THSD7B: variants seen among roughly 807,000 people sequenced by gnomAD.
THSD7B encodes the protein thrombospondin type-1 domain-containing protein 7B.
Under a neutral mutation model 213.6 loss-of-function variants are expected in THSD7B, and 138 were observed. That is an observed-to-expected ratio of 0.65 (90% CI 0.56 to 0.74). The LOEUF is 0.74. Among genes scored for constraint, THSD7B ranks in the 30% least tolerant of loss-of-function variants. The pLI, the probability that THSD7B is intolerant of heterozygous loss-of-function variation, is 0.00. For missense variants in THSD7B, 1,931 were observed against 1,991.5 expected, an observed-to-expected ratio of 0.97 and a Z score of 0.58; for synonymous variants, 742 against 687.0, an observed-to-expected ratio of 1.08 and a Z score of -1.25.
chr2:137,015,190 A>G (rs1686315651), intron 2 of THSD7B, among the ~76,000 whole-genome samples: 1 of 152,162 alleles, frequency 6.6e-6, no homozygotes, highest in Non-Finnish European at 1.5e-5. Flanking sequence ...CACAAATGCT[A>G]GTGCAAATAG....
intron 3 of THSD7B, among the ~76,000 whole-genome samples, chr2:137,073,461 C>T (rs62171240): frequency 0.087 from 13,279 of 152,078 alleles, 715 homozygotes; most frequent in East Asian, 0.17. Context: ...TCCATTGCAT[C>T]TATTTGATTC....
At chr2:136,905,199 G>A (rs960767307) in intron 2 of THSD7B, among the ~76,000 whole-genome samples, 5 of 152,114 alleles carry the variant, frequency 3.3e-5, no homozygotes, top group Admixed American at 1.3e-4. Context: ...ATTCTACTTC[G>A]TTTAGTAGTG....
At chr2:136,903,460 AT>A (rs538227195) in intron 2 of THSD7B, among the ~76,000 whole-genome samples, 19 of 150,818 alleles carry the variant, frequency 1.3e-4, no homozygotes, top group East Asian at 5.8e-4. Context: ...TGCTTTCAGA[AT>A]TTTTTTTTTA....
intron 19 of THSD7B, among the ~76,000 whole-genome samples, chr2:137,619,278 T>C (rs560011376): frequency 6.6e-6 from 1 of 152,338 alleles, no homozygotes; most frequent in South Asian, 2.1e-4. Context: ...TTTAACGAAC[T>C]TGCAGAATGA....
intron 12 of THSD7B, among the ~76,000 whole-genome samples, chr2:137,398,235 G>T (rs879596180): frequency 0.026 from 3,887 of 146,832 alleles, 14 homozygotes; most frequent in Non-Finnish European, 0.038. Context: ...AGGAGGAGAG[G>T]TGCTCTGCGT....
intron 12 of THSD7B, among the ~76,000 whole-genome samples, chr2:137,281,285 G>T (rs1413355744): frequency 6.6e-6 from 1 of 151,888 alleles, no homozygotes; most frequent in Non-Finnish European, 1.5e-5. Flanking sequence ...AAGTAAAGAT[G>T]TTTTTCTGGG....
chr2:136,788,362 T>C (rs893348809), intron 1 of THSD7B, among the ~76,000 whole-genome samples: 1 of 152,214 alleles, frequency 6.6e-6, no homozygotes, highest in African/African-American at 2.4e-5. Flanking sequence ...GAAAGTGTGC[T>C]GGGACTTTTA....
intron 17 of THSD7B, among the ~76,000 whole-genome samples, chr2:137,581,130 T>C (rs955323263): frequency 6.6e-6 from 1 of 152,220 alleles, no homozygotes; most frequent in Non-Finnish European, 1.5e-5. Flanking sequence ...AATGTATGTA[T>C]ATATACAATA....
chr2:136,902,566 A>G (rs1353428057), intron 2 of THSD7B, among the ~76,000 whole-genome samples: 4 of 152,140 alleles, frequency 2.6e-5, no homozygotes, highest in Non-Finnish European at 5.9e-5. Context: ...TTCTTCTTCC[A>G]CATGCGCCGA....
intron 7 of THSD7B, among the ~76,000 whole-genome samples, chr2:137,211,466 A>G (rs988808391): frequency 3.3e-5 from 5 of 151,228 alleles, no homozygotes; most frequent in Non-Finnish European, 7.4e-5. Flanking sequence ...AAACCATCAC[A>G]TTATTAGTGT....
At chr2:137,168,077 G>T (rs1336311226) in intron 6 of THSD7B, among the ~76,000 whole-genome samples, 1 of 152,160 alleles carries the variant, frequency 6.6e-6, no homozygotes, top group East Asian at 1.9e-4. Flanking sequence ...TTATAACATA[G>T]TTTTGAGGCT....
chr2:137,422,047 A>G lies in THSD7B; in HGVS notation c.2959+10175A>G, dbSNP rs572333792. On this transcript the variant is annotated intron_variant, in intron 14 of 27. Transcript: ENST00000409968. ...AGAGGGCAGTCATGTTTTTGAAACTAAACTCCTGAAAGAAGTGCAAGTGAA... is the reference window on the plus strand; with the variant it reads ...AGAGGGCAGTCATGTTTTTGAAACTGAACTCCTGAAAGAAGTGCAAGTGAA... Among the ~76,000 whole-genome samples, 126 of 152,292 alleles carry G rather than the reference A, an allele frequency of 8.3e-4. 1 individual carries two copies. Among genetic ancestry groups the G allele is most frequent in the South Asian group, 7.9e-3 (38 of 4,818 alleles).
intron 4 of THSD7B, among the ~76,000 whole-genome samples, chr2:137,110,659 A>G (rs1688332041): frequency 6.6e-6 from 1 of 152,212 alleles, no homozygotes; most frequent in South Asian, 2.1e-4. Context: ...TTTTTCAAAA[A>G]GTTATCTTTT....
chr2:136,970,788 CT>C (rs1217495020), intron 2 of THSD7B, among the ~76,000 whole-genome samples: 3 of 152,058 alleles, frequency 2.0e-5, no homozygotes, highest in South Asian at 2.1e-4. Flanking sequence ...ATTTTAAAAT[CT>C]TTCAAAAAGA....
chr2:137,426,529 G>A (rs571006210), intron 14 of THSD7B, among the ~76,000 whole-genome samples: 5 of 152,142 alleles, frequency 3.3e-5, no homozygotes, highest in South Asian at 2.1e-4. Context: ...TAAATGTTGC[G>A]CTAGTAATCT....
intron 21 of THSD7B, among the ~76,000 whole-genome samples, chr2:137,651,154 G>A (rs1297637060): frequency 6.6e-6 from 1 of 151,972 alleles, no homozygotes; most frequent in Non-Finnish European, 1.5e-5. Flanking sequence ...ATTGGTATTA[G>A]TTCTATGTTA....
intron 15 of THSD7B, among the ~76,000 whole-genome samples, chr2:137,530,713 C>T (rs904437591): frequency 4.6e-5 from 7 of 151,926 alleles, no homozygotes; most frequent in Admixed American, 2.6e-4. Flanking sequence ...GCTTGAATGC[C>T]GAAGCAGAAC....
intron 14 of THSD7B, among the ~76,000 whole-genome samples, chr2:137,417,921 G>A (rs1211605231): frequency 6.6e-6 from 1 of 152,090 alleles, no homozygotes; most frequent in Non-Finnish European, 1.5e-5. Flanking sequence ...CTTGCCAAAT[G>A]ACTCATTGCC....
chr2:137,459,601 G>A (rs901961280), intron 15 of THSD7B, among the ~76,000 whole-genome samples: 19 of 152,030 alleles, frequency 1.2e-4, no homozygotes, highest in African/African-American at 4.3e-4. Context: ...GGAAGTGGAG[G>A]TTGCAATTAG....
Sources: gnomAD v4.1 joint callset for allele counts (sites outside exome capture counted in the v4.1 genomes callset) on GRCh38, gnomAD v4.1.1 for gene constraint, MANE v1.5 for transcripts, NCBI Gene and HGNC (gene_info 2026-07-23, HGNC 2026-07-21) for gene names.